Variants in MARCHF1 observed in about 807,000 individuals in gnomAD.
The protein encoded by MARCHF1 is membrane associated ring-CH-type finger 1.
MARCHF1 carries 40 observed loss-of-function variants against 54.2 expected under a neutral mutation model. That is an observed-to-expected ratio of 0.74 (90% confidence interval 0.57 to 0.96). The LOEUF (loss-of-function observed/expected upper bound fraction) is 0.96. Ranked by LOEUF, MARCHF1 falls within the 40% of genes least tolerant of loss-of-function variation. The probability of loss-of-function intolerance (pLI) is 0.00; values close to 1 mark genes in which losing one functional copy is unlikely to be tolerated. For missense variants in MARCHF1, 586 were observed against 656.5 expected (o/e 0.89, Z 1.17); for synonymous variants, 236 against 236.3 (o/e 1.00, Z 0.01).
intron 7 of MARCHF1, among the ~76,000 whole-genome samples, chr4:163,600,004 T>G (rs1180086412): frequency 6.6e-6 from 1 of 152,188 alleles, no homozygotes; most frequent in Non-Finnish European, 1.5e-5. Flanking sequence ...ATATTTTAGA[T>G]GGCTTCAGGA....
intron 5 of MARCHF1, among the ~76,000 whole-genome samples, chr4:163,628,723 C>CA (rs1464163945): frequency 1.5e-4 from 23 of 152,208 alleles, no homozygotes; most frequent in African/African-American, 5.5e-4. Context: ...AATCAATGTG[C>CA]AAAAATCACA....
At chr4:164,343,768 A>G (rs187213314) in intron 1 of MARCHF1, among the ~76,000 whole-genome samples, 44 of 152,316 alleles carry the variant, frequency 2.9e-4, no homozygotes, top group African/African-American at 9.9e-4. Flanking sequence ...ACACTTATAC[A>G]TTGCTGATGG....
chr4:164,091,410 T>TTATA (rs1553980469), intron 2 of MARCHF1, among the ~76,000 whole-genome samples: 11,855 of 136,738 alleles, frequency 0.087, 599 homozygotes, highest in Middle Eastern at 0.18. Flanking sequence ...TCACCAAGTT[T>TTATA]TATATATATA....
chr4:163,700,016 T>C lies in MARCHF1; in HGVS notation c.162+797A>G, dbSNP rs567077761. ...CAACCTCTAAATATGGCCAAACTGA[T>C]GTTTTTATCAAATTGATTTCTAAAA... On this transcript the variant is annotated intron_variant, in intron 5 of 9. Coordinates refer to ENST00000514618, the MANE Select transcript of MARCHF1 (RefSeq NM_001394959.1). Among the ~76,000 whole-genome samples, 148 of 152,156 alleles carry C rather than the reference T, an allele frequency of 9.7e-4. 1 individual carries two copies. Among genetic ancestry groups the C allele is most frequent in the Admixed American group, 5.2e-3 (79 of 15,258 alleles).
intron 2 of MARCHF1, among the ~76,000 whole-genome samples, chr4:164,095,443 T>A (rs1336225748): frequency 2.0e-5 from 3 of 151,434 alleles, no homozygotes; most frequent in Non-Finnish European, 4.4e-5. Context: ...CACACCAACC[T>A]TAGTCAAGTC....
intron 2 of MARCHF1, among the ~76,000 whole-genome samples, chr4:164,027,361 GT>G (rs1187860762): frequency 1.3e-4 from 1 of 7,784 alleles, no homozygotes; most frequent in African/African-American, 2.3e-4. Context: ...CATGGTACAG[GT>G]AAAAAAAAAA....
At chr4:163,747,402 G>A (rs1322893646) in intron 4 of MARCHF1, among the ~76,000 whole-genome samples, 2 of 152,156 alleles carry the variant, frequency 1.3e-5, no homozygotes, top group African/African-American at 4.8e-5. Flanking sequence ...CCACAGGTAC[G>A]TTCCAAGATA....
At chr4:163,823,739 C>T (rs147891384) in intron 4 of MARCHF1, among the ~76,000 whole-genome samples, 10 of 151,760 alleles carry the variant, frequency 6.6e-5, no homozygotes, top group African/African-American at 1.9e-4. Flanking sequence ...TAGTAATTAA[C>T]GTATGCTAAA....
At chr4:164,068,359 C>T (rs572115867) in intron 2 of MARCHF1, among the ~76,000 whole-genome samples, 8 of 152,232 alleles carry the variant, frequency 5.3e-5, no homozygotes, top group South Asian at 4.1e-4. Flanking sequence ...TGGCCAAGAC[C>T]GGAGCCGCCT....
At chr4:163,767,154 A>T (rs1317448451) in intron 4 of MARCHF1, among the ~76,000 whole-genome samples, 1 of 150,638 alleles carries the variant, frequency 6.6e-6, no homozygotes, top group Non-Finnish European at 1.5e-5. Context: ...TGTAGGTGTT[A>T]GAGATCTGCC....
At chr4:163,861,223 T>C (rs1418820655) in intron 3 of MARCHF1, among the ~76,000 whole-genome samples, 3 of 152,054 alleles carry the variant, frequency 2.0e-5, no homozygotes, top group Non-Finnish European at 4.4e-5. Context: ...AAGGTGTCAA[T>C]GAGCTTGATG....
intron 4 of MARCHF1, among the ~76,000 whole-genome samples, chr4:163,778,672 A>G (rs921824854): frequency 6.6e-6 from 1 of 152,218 alleles, no homozygotes; most frequent in Non-Finnish European, 1.5e-5. Context: ...CTCAGCCATT[A>G]AAAATAAAAT....
intron 3 of MARCHF1, among the ~76,000 whole-genome samples, chr4:163,909,475 T>C (rs1751143692): frequency 6.6e-6 from 1 of 152,234 alleles, no homozygotes; most frequent in Non-Finnish European, 1.5e-5. Flanking sequence ...CAAAATATTT[T>C]CAAGGGAAAG....
intron 1 of MARCHF1, among the ~76,000 whole-genome samples, chr4:164,278,942 C>T (rs1461480350): frequency 6.6e-6 from 1 of 152,086 alleles, no homozygotes; most frequent in Non-Finnish European, 1.5e-5. Flanking sequence ...TTACCAAAAT[C>T]TGTGCATGCC....
rs70952617 is a variant in MARCHF1, at chr4:164,274,659, C to CTTT, written c.-323+109208_-323+109210dup. Among the ~76,000 whole-genome samples the CTTT allele has an allele frequency of 6.4e-3, 285 of 44,626 alleles. 77 individuals are homozygous for CTTT. The highest frequency in any genetic ancestry group is 9.6e-3 in the Non-Finnish European group (199 of 20,622). 29.3% of individuals were successfully genotyped at this position (44,626 alleles called of 152,430 possible). ...CGCTTGATGTGTGCTTCAGGGTACA[C>CTTT]TTTTTTTTTTTTTTTTTTTTTTTTT... On this transcript the variant is annotated intron_variant, in intron 1 of 9. Coordinates refer to ENST00000514618, the MANE Select transcript of MARCHF1 (RefSeq NM_001394959.1).
intron 4 of MARCHF1, among the ~76,000 whole-genome samples, chr4:163,725,907 T>A (rs1358614764): frequency 6.6e-6 from 1 of 152,226 alleles, no homozygotes; most frequent in Non-Finnish European, 1.5e-5. Context: ...TAGGATGACA[T>A]CTTATGATTT....
intron 3 of MARCHF1, among the ~76,000 whole-genome samples, chr4:163,913,642 C>T (rs77203083): frequency 9.5e-4 from 145 of 152,226 alleles, no homozygotes; most frequent in African/African-American, 2.8e-3. Flanking sequence ...TAATATGTTT[C>T]GTGTAAAGAG....
In MARCHF1 at chr4:163,653,929, A is replaced by T. The variant is rs909404799; in HGVS notation, c.163-40536T>A. Among the ~76,000 whole-genome samples, 9 of 151,792 alleles carry T rather than the reference A, an allele frequency of 5.9e-5. 1 individual carries two copies. The highest frequency in any genetic ancestry group is 5.9e-4 in the Admixed American group (9 of 15,186). ...TGTTTTAAACCATGGAATTGATATG[A>T]TAACCTAGGAATTGAGTATAGATAG... On this transcript the variant is annotated intron_variant, in intron 5 of 9. Transcript: ENST00000514618.
chr4:163,787,259 A>T (rs939889709), intron 4 of MARCHF1, among the ~76,000 whole-genome samples: 2 of 151,798 alleles, frequency 1.3e-5, no homozygotes, highest in Admixed American at 1.3e-4. Flanking sequence ...CCTTCTAAGC[A>T]TCAAAATGGA....
Sources: allele counts gnomAD v4.1 joint callset (sites outside exome capture counted in the v4.1 genomes callset), GRCh38; gene constraint gnomAD v4.1.1; transcripts MANE v1.5; gene names NCBI Gene and HGNC (gene_info 2026-07-23, HGNC 2026-07-21).